The following MAGI2 variants were observed in gnomAD, a reference collection of about 807,000 sequenced individuals.
MAGI2 encodes membrane associated guanylate kinase, WW and PDZ domain containing 2, also known as membrane-associated guanylate kinase, WW and PDZ domain-containing protein 2.
MAGI2 carries 35 observed loss-of-function variants against 133.3 expected under a neutral mutation model. The observed-to-expected ratio is 0.26, with a 90% CI of 0.20 to 0.35. The LOEUF (loss-of-function observed/expected upper bound fraction) is 0.35, where lower values mean the gene tolerates loss of function less well. Ranked by LOEUF, MAGI2 falls within the 10% of genes least tolerant of loss-of-function variation. MAGI2 has a pLI of 1.00. For synonymous variants in MAGI2, 729 were observed against 710.6 expected (o/e 1.03, Z -0.41); for missense variants, 1,636 against 1,863.4 (o/e 0.88, Z 2.25).
At chr7:78,293,115 T>G (rs553099571) in intron 9 of MAGI2, among the ~76,000 whole-genome samples, 1 of 152,020 alleles carries the variant, frequency 6.6e-6, no homozygotes, top group Non-Finnish European at 1.5e-5. Context: ...GCTTGTGCAC[T>G]GCAAAAGAAA....
intron 1 of MAGI2, among the ~76,000 whole-genome samples, chr7:79,020,300 C>A (rs924441621): frequency 6.6e-6 from 1 of 152,146 alleles, no homozygotes; most frequent in African/African-American, 2.4e-5. Context: ...CTTTGGTGCT[C>A]TTAAAAGCAT....
intron 15 of MAGI2, among the ~76,000 whole-genome samples, chr7:78,163,552 G>T (rs1272633901): frequency 1.3e-5 from 2 of 152,190 alleles, no homozygotes; most frequent in African/African-American, 4.8e-5. Context: ...GACAATGCCT[G>T]CCAGGTAAGA....
chr7:78,590,853 T>G (rs187990719), intron 3 of MAGI2, among the ~76,000 whole-genome samples: 1 of 152,298 alleles, frequency 6.6e-6, no homozygotes, highest in African/African-American at 2.4e-5. Flanking sequence ...TTTACTTTCC[T>G]TTCCCTAAAG....
chr7:79,080,894 A>C (rs1815978413), intron 1 of MAGI2, among the ~76,000 whole-genome samples: 1 of 152,038 alleles, frequency 6.6e-6, no homozygotes. Context: ...TCATTCCCAC[A>C]TTCACTATCA....
rs574586288 is a variant in MAGI2, at chr7:79,044,320, A to G, written c.302-37114T>C. On this transcript the variant is annotated intron_variant, in intron 1 of 21. Transcript: ENST00000354212. ...TGTGATACATTGCATAAACAGAACT[A>G]AAAACAAAAAACACATAATCATCTC... is the stretch of plus-strand genomic sequence containing the variant. Among the ~76,000 whole-genome samples the G allele has an allele frequency of 8.5e-5, 13 of 152,328 alleles. No individual in the cohort carries two copies. The East Asian group carries it at 2.1e-3, about 25-fold the overall frequency.
At chr7:78,955,728 T>TCTTTCTTC (rs1562712791) in intron 2 of MAGI2, among the ~76,000 whole-genome samples, 3 of 28,412 alleles carry the variant, frequency 1.1e-4, no homozygotes, top group African/African-American at 3.0e-4. Context: ...TCTTTCTCTT[T>TCTTTCTTC]CTTTCTTTCT....
At position 78,256,179 on chromosome 7, in the gene MAGI2, A is replaced by G. The variant is rs1792954963; in HGVS notation, c.1811T>C (p.Met604Thr). The G allele has an allele frequency of 1.9e-6, 3 of 1,614,024 alleles. No individual in the cohort carries two copies. Among genetic ancestry groups the G allele is most frequent in the African/African-American group, 1.3e-5 (1 of 75,058 alleles). The change falls in exon 10 of 22, where the codon ATG (methionine) becomes ACG (threonine). Residue 604 changes from methionine (M) to threonine (T), a missense_variant. Transcript: ENST00000354212. ...GGCACCTTTCACAATGGTTAAGGTCATAAGTTCAGCTTGGGTGGCCCCAGA... is the reference window on the plus strand; with the variant it reads ...GGCACCTTTCACAATGGTTAAGGTCGTAAGTTCAGCTTGGGTGGCCCCAGA... Reference protein sequence around the residue: ...ASSGATQAELMTLTIVKGAQG... With the variant: ...ASSGATQAELTTLTIVKGAQG...
chr7:78,955,161 G>T (rs1439027866), intron 2 of MAGI2, among the ~76,000 whole-genome samples: 1 of 151,966 alleles, frequency 6.6e-6, no homozygotes, highest in Non-Finnish European at 1.5e-5. Flanking sequence ...CATAATGACG[G>T]TATTTAGTAT....
At chr7:78,216,096 C>T (rs1394824991) in intron 10 of MAGI2, among the ~76,000 whole-genome samples, 2 of 152,212 alleles carry the variant, frequency 1.3e-5, no homozygotes, top group African/African-American at 2.4e-5. Context: ...AGCATCAATG[C>T]TGAGACAGGC....
chr7:78,375,542 C>G (rs180746720), intron 6 of MAGI2, among the ~76,000 whole-genome samples: 6 of 152,100 alleles, frequency 3.9e-5, no homozygotes, highest in East Asian at 1.9e-4. Flanking sequence ...GAAACCATAT[C>G]CTTCAACCCT....
chr7:78,521,616 C>T lies in MAGI2; in HGVS notation c.568G>A (p.Ala190Thr), dbSNP rs1194154676. ...TTTAACAATAATGGTGCTGGTTCTGCTGGCGGCTTTGGGGTACCGTAGTAA... is the reference window on the plus strand; with the variant it reads ...TTTAACAATAATGGTGCTGGTTCTGTTGGCGGCTTTGGGGTACCGTAGTAA... ...DNYYGTPKPP[A>T]EPAPLLLNVT... Residue 190 changes from alanine to threonine, a missense_variant, in exon 4 of 22, where the codon GCA becomes ACA. Physicochemically the swap from Ala to Thr is moderately conservative, Grantham distance 58 (BLOSUM62 0). Around this residue, in one of 5 missense-constraint regions of MAGI2, gnomAD observed 148 missense variants for 239.0 expected, o/e 0.62. Coordinates refer to ENST00000354212, the MANE Select transcript of MAGI2 (RefSeq NM_012301.4). 6.2e-7 allele frequency: 1 copy of T among 1,614,128 alleles called. No homozygotes were observed. Among genetic ancestry groups the T allele is most frequent in the Non-Finnish European group, 8.5e-7 (1 of 1,180,022 alleles).
At chr7:79,197,041 A>G (rs1828149887) in intron 1 of MAGI2, among the ~76,000 whole-genome samples, 1 of 151,886 alleles carries the variant, frequency 6.6e-6, no homozygotes, top group Non-Finnish European at 1.5e-5. Context: ...TCAGTCTCCC[A>G]AAGTGCTGGG....
chr7:78,301,791 A>G (rs971731474), intron 9 of MAGI2, among the ~76,000 whole-genome samples: 3 of 152,182 alleles, frequency 2.0e-5, no homozygotes, highest in African/African-American at 7.2e-5. Flanking sequence ...GCTTGTACAT[A>G]TAGAGTATGT....
rs1186986542 is a variant in MAGI2 at position 78,054,406 on chromosome 7, G to A, written c.3706+24541C>T. Among the ~76,000 whole-genome samples the A allele has an allele frequency of 5.3e-5, 8 of 152,260 alleles. No individual in the cohort carries two copies. The East Asian group carries it at 1.2e-3, about 22-fold the overall frequency. On this transcript the variant is annotated intron_variant, in intron 21 of 21. Coordinates refer to ENST00000354212, the MANE Select transcript of MAGI2 (RefSeq NM_012301.4). Reference sequence around the variant, plus strand: ...CCCAAAGTGCTGGGATTACAGGCGTGAGACACTGCGCCTGGCCTAAAGGGA... The same window carrying A: ...CCCAAAGTGCTGGGATTACAGGCGTAAGACACTGCGCCTGGCCTAAAGGGA...
At chr7:78,614,373 TTC>T (rs1806836250) in intron 3 of MAGI2, 1 of 151,830 alleles carries the variant, frequency 6.6e-6, no homozygotes, top group Admixed American at 6.6e-5. Context: ...AACTTGTAAA[TTC>T]ACATTTTATT....
At chr7:78,100,171 G>A (rs552714196) in intron 20 of MAGI2, among the ~76,000 whole-genome samples, 1 of 152,232 alleles carries the variant, frequency 6.6e-6, no homozygotes, top group South Asian at 2.1e-4. Flanking sequence ...ACTTTGCGTC[G>A]CTTCCCACTG....
intron 3 of MAGI2, among the ~76,000 whole-genome samples, chr7:78,525,584 T>A (rs1189470461): frequency 2.6e-5 from 4 of 152,190 alleles, no homozygotes; most frequent in Non-Finnish European, 5.9e-5. Context: ...AGTGCCTGGA[T>A]ATAGAAAATC....
intron 2 of MAGI2, among the ~76,000 whole-genome samples, chr7:79,003,814 A>C (rs1407994382): frequency 6.6e-6 from 1 of 152,254 alleles, no homozygotes; most frequent in Admixed American, 6.5e-5. Context: ...ATTTCTCAAA[A>C]GAAGACATGC....
intron 1 of MAGI2, among the ~76,000 whole-genome samples, chr7:79,311,463 T>C (rs550508494): frequency 1.3e-5 from 2 of 152,206 alleles, no homozygotes; most frequent in East Asian, 3.9e-4. Context: ...ACAAGCCTGC[T>C]CCAGATTCAA....
Sources: allele counts gnomAD v4.1 joint callset (sites outside exome capture counted in the v4.1 genomes callset), GRCh38; gene constraint gnomAD v4.1.1; regional missense constraint gnomAD v4.1.1; transcripts MANE v1.5; gene names NCBI Gene and HGNC (gene_info 2026-07-23, HGNC 2026-07-21).